ABHD12B: variants seen among roughly 807,000 people sequenced by gnomAD.
The protein encoded by ABHD12B is abhydrolase domain containing 12B.
A neutral mutation model predicts 50.4 loss-of-function variants in ABHD12B; 42 were observed. The ratio of observed to expected loss-of-function variants is 0.83; its 90% CI spans 0.65 to 1.08. The LOEUF (loss-of-function observed/expected upper bound fraction) is 1.08, where lower values mean the gene tolerates loss of function less well. Ranked by LOEUF, ABHD12B falls within the 50% of genes least tolerant of loss-of-function variation. ABHD12B has a pLI of 0.00. For missense variants in ABHD12B, 479 were observed against 447.7 expected, an observed-to-expected ratio of 1.07 and a Z score of -0.63; for synonymous variants, 167 against 160.3, an observed-to-expected ratio of 1.04 and a Z score of -0.32.
intron 1 of ABHD12B, among the ~76,000 whole-genome samples, chr14:50,872,589 A>G (rs1034127452): frequency 2.6e-5 from 4 of 152,132 alleles, no homozygotes; most frequent in African/African-American, 7.2e-5. Context: ...TCCTACACCA[A>G]TCTCTATTAT....
chr14:50,901,991 G>A, intron 10 of ABHD12B, 80 bp downstream of exon 10: 1 of 864,920 alleles, frequency 1.2e-6, no homozygotes, highest in Non-Finnish European at 1.8e-6. Flanking sequence ...CTTACTGGAT[G>A]GTGACATGAG....
chr14:50,886,037 T>G (rs1333669065), intron 7 of ABHD12B, 142 bp downstream of exon 7: 6 of 1,225,590 alleles, frequency 4.9e-6, no homozygotes, highest in Middle Eastern at 2.9e-4. Context: ...TAGAAGTGGC[T>G]GAAGATCTTG....
intron 3 of ABHD12B, 28 bp downstream of exon 3, chr14:50,878,875 G>T: frequency 6.3e-7 from 1 of 1,579,060 alleles, no homozygotes; most frequent in Non-Finnish European, 8.7e-7. Flanking sequence ...ACACCGGGTT[G>T]CTTGATGGGG....
At chr14:50,899,600 G>A (rs1211958717) in intron 9 of ABHD12B, among the ~76,000 whole-genome samples, 1 of 151,980 alleles carries the variant, frequency 6.6e-6, no homozygotes, top group African/African-American at 2.4e-5. Context: ...TCCTCTCTCA[G>A]GCACAACACG....
At chr14:50,892,529 C>A in intron 9 of ABHD12B, 1 of 985,394 alleles carries the variant, frequency 1.0e-6, no homozygotes, top group Non-Finnish European at 1.2e-6. Context: ...CTTCTGTCAT[C>A]TAAGAATAAG....
rs2050304995 is a variant in ABHD12B, at chr14:50,904,419, G to C, written c.*53G>C. 6.2e-7 allele frequency: 1 copy of C among 1,609,692 alleles called. No individual in the cohort carries two copies. The highest frequency in any genetic ancestry group is 1.7e-5 in the Admixed American group (1 of 60,020). ...AAGACTTGGCCCAAACACCACCTGT[G>C]ATGTATATTGTTCTAATGTAAAATT... On this transcript the variant is annotated 3_prime_UTR_variant, in exon 13 of 13. Coordinates refer to ENST00000337334, the MANE Select transcript of ABHD12B (RefSeq NM_001206673.2).
intron 1 of ABHD12B, among the ~76,000 whole-genome samples, chr14:50,874,054 C>T (rs2049824700): frequency 6.6e-6 from 1 of 152,166 alleles, no homozygotes; most frequent in Admixed American, 6.5e-5. Flanking sequence ...ATTCTTGGAG[C>T]CGGGTTCACT....
intron 5 of ABHD12B, among the ~76,000 whole-genome samples, chr14:50,884,942 TC>T (rs1483418505): frequency 6.6e-6 from 1 of 152,224 alleles, no homozygotes; most frequent in Non-Finnish European, 1.5e-5. Context: ...ATAAATAGCT[TC>T]CCCTTTTTGA....
At chr14:50,888,129 A>T (rs1159491061) in intron 8 of ABHD12B, among the ~76,000 whole-genome samples, 1 of 152,108 alleles carries the variant, frequency 6.6e-6, no homozygotes, top group African/African-American at 2.4e-5. Context: ...AAAACAACCT[A>T]GTCAGCCTCT....
chr14:50,895,437 G>GCT (rs1431774050), intron 9 of ABHD12B: 1 of 152,190 alleles, frequency 6.6e-6, no homozygotes, highest in African/African-American at 2.4e-5. Context: ...TCCCACAGGA[G>GCT]CTTGCTACAC....
At chr14:50,896,075 A>G (rs2050194916) in intron 9 of ABHD12B, among the ~76,000 whole-genome samples, 2 of 152,002 alleles carry the variant, frequency 1.3e-5, no homozygotes, top group African/African-American at 4.8e-5. Flanking sequence ...CACAAGTATA[A>G]GATACCTCTA....
In ABHD12B at chr14:50,885,596, A is replaced by C. The variant is rs780531311; in HGVS notation, c.487-18A>C. Reference sequence around the variant, plus strand: ...TTCATCTTCTAATTAAAGTGATAACAGCTCCTTTGTTACCTAGGTGCTGAG... The same window carrying C: ...TTCATCTTCTAATTAAAGTGATAACCGCTCCTTTGTTACCTAGGTGCTGAG... On this transcript the variant is annotated intron_variant, in intron 5 of 12. Coordinates refer to ENST00000337334, the MANE Select transcript of ABHD12B (RefSeq NM_001206673.2). 16 of 1,614,082 alleles carry C rather than the reference A, an allele frequency of 9.9e-6. No individual in the cohort carries two copies. Among genetic ancestry groups the C allele is most frequent in the Non-Finnish European group, 1.4e-5 (16 of 1,180,032 alleles).
rs546998445 is a variant in ABHD12B at position 50,897,071 on chromosome 14, G to GT, written c.781-4740dup. Among the ~76,000 whole-genome samples the GT allele has an allele frequency of 8.6e-3, 1,101 of 128,010 alleles. 7 individuals carry two copies. The highest frequency in any genetic ancestry group is 0.012 in the Non-Finnish European group (726 of 61,286). The allele number at this position is 128,010 out of a possible 152,430, so 84.0% of individuals were successfully genotyped here. A position where few individuals can be genotyped will look rare whatever the true frequency, so the allele number is the denominator to read the frequency against. On this transcript the variant is annotated intron_variant, in intron 9 of 12. Transcript: ENST00000337334. ...CCTAATAATATTATGATTTAGTTTAGTTTTTTTTTTTTTTTTTTGAGATGG... is the reference window on the plus strand; with the variant it reads ...CCTAATAATATTATGATTTAGTTTAGTTTTTTTTTTTTTTTTTTTGAGATGG...
At chr14:50,884,219 G>A (rs1312635377) in intron 5 of ABHD12B, among the ~76,000 whole-genome samples, 1 of 152,182 alleles carries the variant, frequency 6.6e-6, no homozygotes, top group Non-Finnish European at 1.5e-5. Context: ...TCCTAGAAAT[G>A]AATTCTTAAG....
chr14:50,897,324 T>C (rs1425168743), intron 9 of ABHD12B, among the ~76,000 whole-genome samples: 1 of 152,164 alleles, frequency 6.6e-6, no homozygotes, highest in Non-Finnish European at 1.5e-5. Flanking sequence ...TCCACCTGCC[T>C]CAGCCTCCCA....
Position 50,878,062 on chromosome 14 carries a change from T to C in ABHD12B, c.215T>C (p.Leu72Pro), listed in dbSNP as rs1219417911. 6.6e-7 allele frequency: 1 copy of C among 1,519,734 alleles called. No homozygotes were observed. 94.1% of individuals were successfully genotyped at this position (1,519,734 alleles called of 1,614,324 possible). A position where few individuals can be genotyped will look rare whatever the true frequency, so the allele number is the denominator to read the frequency against. ...GTTTTCCTTCCTCTGATAGACATGC[T>C]AATTTATTTTAATTTTTGTAAGTAT... ...EHVFLPLIDMLIYFNFFKAPF... is the reference protein window; with the variant it reads ...EHVFLPLIDMPIYFNFFKAPF... Residue 72 changes from leucine (L) to proline (P), a missense_variant, in exon 2 of 13, where the codon CTA (leucine) becomes CCA (proline). Leu to Pro is a moderately conservative substitution (Grantham distance 98). Coordinates refer to ENST00000337334, the MANE Select transcript of ABHD12B (RefSeq NM_001206673.2).
Position 50,897,728 on chromosome 14 carries a change from G to C in ABHD12B, c.781-4101G>C, listed in dbSNP as rs570453883. Among the ~76,000 whole-genome samples, 7 of 152,290 alleles carry C rather than the reference G, an allele frequency of 4.6e-5. No homozygotes were observed. In the East Asian group the frequency reaches 1.4e-3, roughly 29 times the overall value. On this transcript the variant is annotated intron_variant, in intron 9 of 12. Transcript: ENST00000337334. The stretch of plus-strand genomic sequence containing the variant: ...ATACCCTTTGTGACCTTGGTAAATT[G>C]TTTCTCCCTAAGTTTTCCCATTTTT...
Position 50,901,829 on chromosome 14 carries a change from A to C in ABHD12B, c.781A>C (p.Ile261Leu). 1 of 1,587,422 alleles carries C rather than the reference A, an allele frequency of 6.3e-7. No homozygotes were observed. Among genetic ancestry groups the C allele is most frequent in the South Asian group, 1.2e-5 (1 of 86,034 alleles). ...VASINYPLLKIYRNIPGFLRT... is the reference protein window; with the variant it reads ...VASINYPLLKLYRNIPGFLRT... ...ATTTTTTTTTCTTTTTTAAAAATAG[A>C]TTTACCGGAACATTCCAGGATTTTT... The change falls in exon 10 of 13, where the codon ATT becomes CTT. Residue 261 changes from isoleucine to leucine, a missense_variant and splice_region_variant. Transcript: ENST00000337334.
intron 9 of ABHD12B, among the ~76,000 whole-genome samples, chr14:50,894,169 C>T (rs1453805192): frequency 7.2e-6 from 1 of 139,222 alleles, no homozygotes; most frequent in Admixed American, 6.8e-5. Flanking sequence ...CCCCTCAACC[C>T]CTTCTCCTTC....
Sources: allele counts gnomAD v4.1 joint callset (sites outside exome capture counted in the v4.1 genomes callset), GRCh38; gene constraint gnomAD v4.1.1; transcripts MANE v1.5; gene names NCBI Gene and HGNC (gene_info 2026-07-23, HGNC 2026-07-21).